MYOM2: variants seen among roughly 807,000 people sequenced by gnomAD.
The protein encoded by MYOM2 is myomesin-2.
MYOM2 carries 254 observed loss-of-function variants against 187.6 expected under a neutral mutation model. The ratio of observed to expected loss-of-function variants is 1.35; its 90% CI spans 1.22 to 1.50. MYOM2 has a LOEUF of 1.50. Among genes scored for constraint, MYOM2 ranks in the 40% most tolerant of loss-of-function variants. The pLI, the probability that MYOM2 is intolerant of heterozygous loss-of-function variation, is 0.00. For missense variants in MYOM2, 2,796 were observed against 1,924.0 expected, an observed-to-expected ratio of 1.45 and a Z score of -8.48; for synonymous variants, 981 against 753.8, an observed-to-expected ratio of 1.30 and a Z score of -4.94.
At chr8:2,067,479 T>C (rs536840424) in intron 6 of MYOM2, among the ~76,000 whole-genome samples, 31 of 152,320 alleles carry the variant, frequency 2.0e-4, no homozygotes, top group Non-Finnish European at 4.0e-4. Context: ...AGTGGGATAG[T>C]GATGTCTGTT....
At chr8:2,056,014 AC>A (rs1261250548) in intron 3 of MYOM2, among the ~76,000 whole-genome samples, 1 of 152,142 alleles carries the variant, frequency 6.6e-6, no homozygotes, top group South Asian at 2.1e-4. Flanking sequence ...CCACTCGGGA[AC>A]GAACCTCCCC....
intron 36 of MYOM2, among the ~76,000 whole-genome samples, chr8:2,143,992 T>C (rs1021373391): frequency 2.0e-5 from 3 of 152,262 alleles, no homozygotes; most frequent in African/African-American, 7.2e-5. Context: ...TGATATCTAA[T>C]TGATAGCTGT....
chr8:2,098,131 G>A (rs62478401), intron 18 of MYOM2: 8,194 of 152,338 alleles, frequency 0.054, 308 homozygotes, highest in South Asian at 0.081. Flanking sequence ...TACTTTCTGA[G>A]TGCTTCACAG....
chr8:2,050,799 G>A lies in MYOM2; in HGVS notation c.33G>A (p.Lys11=), dbSNP rs1333614956. The A allele has an allele frequency of 1.2e-6, 2 of 1,613,198 alleles. No homozygotes were observed. The highest frequency in any genetic ancestry group is 3.3e-5 in the Admixed American group (2 of 60,016). The change falls in exon 2 of 37, where the codon AAG becomes AAA. Residue 11 remains lysine, a synonymous_variant. Coordinates refer to ENST00000262113, the MANE Select transcript of MYOM2 (RefSeq NM_003970.4). The part of the protein sequence containing the change: MSLVTVPFYQ[K]RHRHFDQSYR... ...TTGTGACTGTCCCCTTCTACCAGAA[G>A]AGACATAGGCACTTCGACCAGTCCT...
Position 2,046,481 on chromosome 8 carries a change from G to A in MYOM2, c.-13+1313G>A, listed in dbSNP as rs191148094. The stretch of plus-strand genomic sequence containing the variant: ...GGCCGTGGCCCTACCGGTGACCCGG[G>A]CAAGTCATATTTCCCTGGGGACGGT... On this transcript the variant is annotated intron_variant, in intron 1 of 36. Transcript: ENST00000262113. 1.5e-4 allele frequency among the ~76,000 whole-genome samples: 23 copies of A among 152,300 alleles called. No homozygotes were observed. The East Asian group carries it at 4.1e-3, about 27-fold the overall frequency.
intron 3 of MYOM2, among the ~76,000 whole-genome samples, chr8:2,052,746 C>G (rs898261645): frequency 6.6e-6 from 1 of 152,182 alleles, no homozygotes; most frequent in Admixed American, 6.5e-5. Flanking sequence ...TTTCCACTTG[C>G]AACCTCTGTA....
intron 31 of MYOM2, among the ~76,000 whole-genome samples, chr8:2,125,814 T>C (rs1015373656): frequency 6.6e-6 from 1 of 151,898 alleles, no homozygotes; most frequent in African/African-American, 2.4e-5. Flanking sequence ...TTCACCATGC[T>C]GGCCAGGATG....
chr8:2,124,311 G>A, intron 31 of MYOM2, 94 bp downstream of exon 31: 1 of 1,277,250 alleles, frequency 7.8e-7, no homozygotes, highest in African/African-American at 1.5e-5. Context: ...AGGGCACCAT[G>A]GAGCTGTGGT....
intron 1 of MYOM2, among the ~76,000 whole-genome samples, chr8:2,045,608 C>G (rs7839064): frequency 6.6e-6 from 1 of 152,262 alleles, no homozygotes; most frequent in African/African-American, 2.4e-5. Context: ...AAAAAAGAGT[C>G]GAGGGTCATT....
intron 6 of MYOM2, among the ~76,000 whole-genome samples, chr8:2,066,366 A>G (rs982932531): frequency 2.0e-5 from 3 of 152,086 alleles, no homozygotes; most frequent in African/African-American, 2.4e-5. Context: ...TCACTTCCAT[A>G]TACTCTGGCA....
Position 2,073,504 on chromosome 8 carries a change from C to T in MYOM2, c.1120+4C>T, listed in dbSNP as rs1554543659. ...AGCGCCTTCCTGTTTGTCAGAGGTG[C>T]GGGCAGCAGGGTTCTCAGGGTGCAG... On this transcript the variant is annotated splice_donor_region_variant and intron_variant, in intron 10 of 36. Transcript: ENST00000262113. The T allele has an allele frequency of 1.2e-5, 19 of 1,595,508 alleles. No individual in the cohort carries two copies. Among genetic ancestry groups the T allele is most frequent in the South Asian group, 1.0e-4 (9 of 90,172 alleles).
At chr8:2,068,040 G>T (rs1377274481) in intron 6 of MYOM2, among the ~76,000 whole-genome samples, 3 of 152,174 alleles carry the variant, frequency 2.0e-5, no homozygotes, top group Non-Finnish European at 4.4e-5. Flanking sequence ...GGCTTCGATG[G>T]GTTTTCGGTG....
chr8:2,122,338 T>C (rs1035484895), intron 28 of MYOM2, among the ~76,000 whole-genome samples: 1 of 152,314 alleles, frequency 6.6e-6, no homozygotes, highest in Middle Eastern at 3.4e-3. Flanking sequence ...CCACAAACAT[T>C]GATGGGACAA....
At chr8:2,087,723 G>A (rs892068816) in intron 14 of MYOM2, among the ~76,000 whole-genome samples, 1 of 152,164 alleles carries the variant, frequency 6.6e-6, no homozygotes, top group African/African-American at 2.4e-5. Flanking sequence ...CAGTCCTTCT[G>A]CCCCAGGCCC....
intron 3 of MYOM2, among the ~76,000 whole-genome samples, chr8:2,055,162 G>A (rs2129328407): frequency 6.6e-6 from 1 of 151,440 alleles, no homozygotes; most frequent in Middle Eastern, 3.4e-3. Flanking sequence ...GGGGAACCAA[G>A]TACCTGGATA....
At chr8:2,106,892 CAT>C (rs1368790197) in intron 23 of MYOM2, among the ~76,000 whole-genome samples, 2 of 152,108 alleles carry the variant, frequency 1.3e-5, no homozygotes, top group African/African-American at 2.4e-5. Context: ...CAGAGGGTAA[CAT>C]ATTAACTAAG....
intron 32 of MYOM2, among the ~76,000 whole-genome samples, chr8:2,137,482 G>A (rs1220501876): frequency 6.6e-6 from 1 of 152,038 alleles, no homozygotes; most frequent in Non-Finnish European, 1.5e-5. Flanking sequence ...CCTTACTGAT[G>A]TGTGGAGGTT....
At chr8:2,101,775 C>G (rs538980564) in intron 20 of MYOM2, among the ~76,000 whole-genome samples, 4 of 152,220 alleles carry the variant, frequency 2.6e-5, no homozygotes, top group Non-Finnish European at 4.4e-5. Flanking sequence ...TTACTTAATT[C>G]ATGTGATCGC....
intron 16 of MYOM2, among the ~76,000 whole-genome samples, chr8:2,093,768 T>C (rs1302750391): frequency 6.6e-6 from 1 of 152,240 alleles, no homozygotes; most frequent in Non-Finnish European, 1.5e-5. Context: ...TGGCACCACG[T>C]GTAGTCAGCT....
Sources: allele counts gnomAD v4.1 joint callset (sites outside exome capture counted in the v4.1 genomes callset), GRCh38; gene constraint gnomAD v4.1.1; transcripts MANE v1.5; gene names NCBI Gene and HGNC (gene_info 2026-07-23, HGNC 2026-07-21).